Variants in RNF38 observed in about 807,000 individuals in gnomAD.
The protein encoded by RNF38 is ring finger protein 38.
RNF38 carries 15 observed loss-of-function variants against 67.2 expected under a neutral mutation model. The ratio of observed to expected loss-of-function variants is 0.22; its 90% confidence interval spans 0.15 to 0.34. RNF38 has a LOEUF of 0.34. Among genes scored for constraint, RNF38 ranks in the 10% least tolerant of loss-of-function variants. RNF38 has a pLI of 1.00. For synonymous variants in RNF38, 220 were observed against 218.8 expected, an observed-to-expected ratio of 1.01 and a Z score of -0.05; for missense variants, 524 against 639.9, an observed-to-expected ratio of 0.82 and a Z score of 1.95.
chr9:36,353,377 C>T lies in RNF38; in HGVS notation c.910-46G>A. ...ACACATATATGTATATATATATATA[C>T]TTCCTGTGTTTAGATAGATTATGCT... On this transcript the variant is annotated intron_variant, in intron 6 of 11. Transcript: ENST00000259605. 3 of 1,243,606 alleles carry T rather than the reference C, an allele frequency of 2.4e-6. No homozygotes were observed. In the South Asian group the frequency reaches 5.4e-5, roughly 22 times the overall value. 77.0% of individuals were successfully genotyped at this position (1,243,606 alleles called of 1,614,324 possible).
rs190931155 is a variant in RNF38, at chr9:36,465,675, T to C, written n.241+21633A>G. On this transcript the variant is annotated intron_variant and non_coding_transcript_variant, in intron 1 of 3. Transcript: ENST00000488058. ...CAGCATTATTCATAATCATCCAAAA[T>C]AGGATGCAATCCATATGTGCATTAA... 3.1e-3 allele frequency among the ~76,000 whole-genome samples: 472 copies of C among 151,998 alleles called. 3 individuals carry two copies. Among genetic ancestry groups the C allele is most frequent in the African/African-American group, 0.011 (438 of 41,494 alleles).
chr9:36,379,510 TA>T (rs947793263), intron 2 of RNF38, among the ~76,000 whole-genome samples: 8 of 151,826 alleles, frequency 5.3e-5, no homozygotes, highest in African/African-American at 1.2e-4. Context: ...TGTGGAAGCA[TA>T]AAAAAAATGA....
intron 1 of RNF38, among the ~76,000 whole-genome samples, chr9:36,397,033 G>C (rs1837568410): frequency 6.9e-6 from 1 of 143,890 alleles, no homozygotes; most frequent in African/African-American, 2.6e-5. Flanking sequence ...GTGTATATAC[G>C]TATATACGTA....
chr9:36,353,103 A>G, intron 7 of RNF38, 67 bp downstream of exon 7: 1 of 1,350,748 alleles, frequency 7.4e-7, no homozygotes, highest in Non-Finnish European at 1.1e-6. Context: ...GAATTATACT[A>G]AAACATAACT....
intron 1 of RNF38, among the ~76,000 whole-genome samples, chr9:36,486,028 C>T (rs1840401863): frequency 6.6e-6 from 1 of 152,214 alleles, no homozygotes; most frequent in Admixed American, 6.5e-5. Flanking sequence ...AAACTCATCA[C>T]GTTTGGCACC....
chr9:36,418,946 G>A (rs763069340), intron 2 of RNF38, among the ~76,000 whole-genome samples: 2 of 152,090 alleles, frequency 1.3e-5, no homozygotes, highest in Non-Finnish European at 2.9e-5. Flanking sequence ...CTGGGCAATG[G>A]AGCAAGACTC....
At chr9:36,478,040 C>CCAATAA (rs113187424) in intron 1 of RNF38, among the ~76,000 whole-genome samples, 101,439 of 150,906 alleles carry the variant, frequency 0.67, 34,147 homozygotes, top group Non-Finnish European at 0.7. Flanking sequence ...GTTTGAGATA[C>CCAATAA]CAAGTAATAC....
At chr9:36,411,898 G>T (rs572378908) in intron 2 of RNF38, among the ~76,000 whole-genome samples, 69 of 152,208 alleles carry the variant, frequency 4.5e-4, no homozygotes, top group African/African-American at 1.6e-3. Flanking sequence ...GCCTTATAAA[G>T]AAAGGAAATT....
chr9:36,447,126 A>C (rs1839326249), intron 1 of RNF38, among the ~76,000 whole-genome samples: 1 of 108,924 alleles, frequency 9.2e-6, no homozygotes, highest in Non-Finnish European at 1.8e-5. Flanking sequence ...GACTGTCTCC[A>C]AAAAAAAAAA....
At chr9:36,486,374 T>C (rs902456863) in intron 1 of RNF38, among the ~76,000 whole-genome samples, 1 of 152,096 alleles carries the variant, frequency 6.6e-6, no homozygotes, top group Non-Finnish European at 1.5e-5. Flanking sequence ...CCTTCAAGCC[T>C]GGGATAGCTG....
chr9:36,416,165 G>A (rs1838463058), intron 2 of RNF38, among the ~76,000 whole-genome samples: 1 of 140,342 alleles, frequency 7.1e-6, no homozygotes, highest in Non-Finnish European at 1.5e-5. Context: ...CTTGGGCGGG[G>A]CTTGCTGTGG....
At chr9:36,486,382 C>T (rs1418287307) in intron 1 of RNF38, among the ~76,000 whole-genome samples, 1 of 152,208 alleles carries the variant, frequency 6.6e-6, no homozygotes, top group East Asian at 1.9e-4. Context: ...CCTGGGATAG[C>T]TGTTCTTTCT....
chr9:36,467,328 GA>G (rs905217198), intron 1 of RNF38, among the ~76,000 whole-genome samples: 8 of 147,884 alleles, frequency 5.4e-5, no homozygotes, highest in Admixed American at 1.4e-4. Flanking sequence ...TTAAAATTAT[GA>G]AAAAAATTAG....
chr9:36,395,712 T>C (rs1012751967), intron 1 of RNF38, among the ~76,000 whole-genome samples: 8 of 152,198 alleles, frequency 5.3e-5, no homozygotes, highest in African/African-American at 1.7e-4. Flanking sequence ...ATTATCAGGT[T>C]ATATACCAAA....
At chr9:36,410,823 G>T (rs1380905703) in intron 2 of RNF38, among the ~76,000 whole-genome samples, 1 of 152,208 alleles carries the variant, frequency 6.6e-6, no homozygotes, top group Non-Finnish European at 1.5e-5. Flanking sequence ...AGTGAAGGAA[G>T]AAATGGAGTC....
chr9:36,458,725 C>T lies in RNF38; in HGVS notation n.241+28583G>A, dbSNP rs541465528. Among the ~76,000 whole-genome samples the T allele has an allele frequency of 2.6e-5, 4 of 152,260 alleles. No homozygotes were observed. The South Asian group carries it at 8.3e-4, about 32-fold the overall frequency. ...CATCTTTAAGAGTTGTAACACTCAC[C>T]GCGAGGGTCCGCGGCTTCATTCTTG... On this transcript the variant is annotated intron_variant and non_coding_transcript_variant, in intron 1 of 3. Transcript: ENST00000488058.
chr9:36,477,947 T>C (rs1840159749), intron 1 of RNF38, among the ~76,000 whole-genome samples: 1 of 151,678 alleles, frequency 6.6e-6, no homozygotes, highest in African/African-American at 2.4e-5. Flanking sequence ...GAGCTATGAT[T>C]ACCACTGCCA....
chr9:36,440,156 G>C (rs976129452), intron 1 of RNF38, among the ~76,000 whole-genome samples: 1 of 151,972 alleles, frequency 6.6e-6, no homozygotes, highest in Non-Finnish European at 1.5e-5. Flanking sequence ...TGAAGCAGGA[G>C]AATCACCTGA....
intron 1 of RNF38, among the ~76,000 whole-genome samples, chr9:36,440,268 C>T (rs114561065): frequency 0.029 from 4,390 of 151,386 alleles, 201 homozygotes; most frequent in African/African-American, 0.099. Flanking sequence ...AGTGGCAGGG[C>T]GCAGTGGCTC....
Sources: allele counts gnomAD v4.1 joint callset (sites outside exome capture counted in the v4.1 genomes callset), GRCh38; gene constraint gnomAD v4.1.1; transcripts MANE v1.5; gene names NCBI Gene and HGNC (gene_info 2026-07-23, HGNC 2026-07-21).